Variants in SLC4A8 observed in about 807,000 individuals in gnomAD.
The protein encoded by SLC4A8 is solute carrier family 4 member 8, also known as electroneutral sodium bicarbonate exchanger 1.
Under a neutral mutation model 125.0 loss-of-function variants are expected in SLC4A8, and 40 were observed. The ratio of observed to expected loss-of-function variants is 0.32; its 90% CI spans 0.25 to 0.42. The LOEUF is 0.42. SLC4A8 is among the 10% of genes least tolerant of loss of function. The pLI, the probability that SLC4A8 is intolerant of heterozygous loss-of-function variation, is 1.00. For synonymous variants in SLC4A8, 456 were observed against 476.0 expected (o/e 0.96, Z 0.55); for missense variants, 863 against 1,355.1 (o/e 0.64, Z 5.70).
chr12:51,413,242 C>T (rs1320736011), intron 1 of SLC4A8, among the ~76,000 whole-genome samples: 3 of 152,052 alleles, frequency 2.0e-5, no homozygotes, highest in Non-Finnish European at 4.4e-5. Flanking sequence ...TACTCAGATC[C>T]TTTGTCCATT....
intron 16 of SLC4A8, among the ~76,000 whole-genome samples, chr12:51,476,363 C>T (rs1467855645): frequency 6.6e-6 from 1 of 152,068 alleles, no homozygotes; most frequent in Non-Finnish European, 1.5e-5. Flanking sequence ...TGCCTGTAAT[C>T]CCAGCTACTC....
At chr12:51,410,523 TCTTCG>T (rs1339175987) in intron 1 of SLC4A8, among the ~76,000 whole-genome samples, 5 of 152,020 alleles carry the variant, frequency 3.3e-5, no homozygotes, top group Admixed American at 1.3e-4. Flanking sequence ...AGTGGCGCGA[TCTTCG>T]CTCACTGCAA....
At chr12:51,481,031 G>T (rs955117350) in intron 16 of SLC4A8, among the ~76,000 whole-genome samples, 5 of 152,156 alleles carry the variant, frequency 3.3e-5, no homozygotes, top group Admixed American at 6.5e-5. Context: ...TCTTTAAAAC[G>T]AATGGGTTAA....
At chr12:51,453,787 C>G (rs1299423670) in intron 5 of SLC4A8, 88 bp downstream of exon 5, 1 of 1,325,344 alleles carries the variant, frequency 7.5e-7, no homozygotes, top group Non-Finnish European at 1.0e-6. Context: ...AGAAAGAATA[C>G]AGTGGGTTGT....
chr12:51,490,047 C>A, intron 19 of SLC4A8, 96 bp downstream of exon 19: 1 of 1,188,332 alleles, frequency 8.4e-7, no homozygotes, highest in Admixed American at 1.9e-5. Flanking sequence ...CAAATACTTA[C>A]AAGTATAAAT....
chr12:51,458,042 C>T (rs183149959), intron 6 of SLC4A8, among the ~76,000 whole-genome samples: 23 of 152,278 alleles, frequency 1.5e-4, no homozygotes, highest in Admixed American at 2.6e-4. Flanking sequence ...AGGACCTACT[C>T]CACCTACTCC....
rs574398449 is a variant in SLC4A8, at chr12:51,454,580, G to A, written c.574+881G>A. Among the ~76,000 whole-genome samples, 16 of 99,584 alleles carry A rather than the reference G, an allele frequency of 1.6e-4. 1 individual carries two copies. Among genetic ancestry groups the A allele is most frequent in the Admixed American group, 6.1e-4 (6 of 9,776 alleles). The allele number at this position is 99,584 out of a possible 152,430, so 65.3% of individuals were successfully genotyped here. ...GTCTTTGCATCATAGACAATGTAAAGGATTAAGTGCTGTGCTTTTAGATAT... is the reference window on the plus strand; with the variant it reads ...GTCTTTGCATCATAGACAATGTAAAAGATTAAGTGCTGTGCTTTTAGATAT... On this transcript the variant is annotated intron_variant, in intron 5 of 24. Coordinates refer to ENST00000453097, the MANE Select transcript of SLC4A8 (RefSeq NM_001039960.3).
chr12:51,395,148 A>C (rs1948234900), intron 1 of SLC4A8, among the ~76,000 whole-genome samples: 1 of 152,216 alleles, frequency 6.6e-6, no homozygotes, highest in African/African-American at 2.4e-5. Context: ...GGCACTATGA[A>C]AATGTATACA....
intron 11 of SLC4A8, among the ~76,000 whole-genome samples, chr12:51,466,783 C>T (rs1399407500): frequency 6.6e-6 from 1 of 152,118 alleles, no homozygotes; most frequent in African/African-American, 2.4e-5. Context: ...AGATCTTTCC[C>T]CGCCTTTTAA....
intron 19 of SLC4A8, among the ~76,000 whole-genome samples, chr12:51,492,264 C>G (rs1565818861): frequency 6.6e-6 from 1 of 151,788 alleles, no homozygotes; most frequent in African/African-American, 2.4e-5. Context: ...CTCCTCTTCC[C>G]TTTTTTTTGG....
At chr12:51,411,313 TGCAGTG>T (rs1238341788) in intron 1 of SLC4A8, among the ~76,000 whole-genome samples, 1 of 152,026 alleles carries the variant, frequency 6.6e-6, no homozygotes, top group Admixed American at 6.6e-5. Context: ...TTAGGCTGGG[TGCAGTG>T]GCTCACACCT....
chr12:51,423,903 G>A (rs1471368133), upstream of SLC4A8, among the ~76,000 whole-genome samples: 1 of 151,780 alleles, frequency 6.6e-6, no homozygotes, highest in Non-Finnish European at 1.5e-5. Context: ...GGGCGTGGTG[G>A]TGGGGACCTG....
At chr12:51,464,541 AATG>A (rs1950454255) in intron 11 of SLC4A8, among the ~76,000 whole-genome samples, 1 of 152,130 alleles carries the variant, frequency 6.6e-6, no homozygotes, top group Admixed American at 6.5e-5. Flanking sequence ...GGTAAACGAG[AATG>A]ATATTTTGGG....
chr12:51,455,213 A>G (rs1370705729), intron 5 of SLC4A8, among the ~76,000 whole-genome samples: 1 of 150,802 alleles, frequency 6.6e-6, no homozygotes, highest in African/African-American at 2.4e-5. Context: ...TTCTTTCTAC[A>G]CAGACACAGT....
chr12:51,491,477 G>GAGGA, intron 19 of SLC4A8, among the ~76,000 whole-genome samples: 1 of 152,186 alleles, frequency 6.6e-6, no homozygotes, highest in South Asian at 2.1e-4. Context: ...AAGAAAGAGG[G>GAGGA]ATTGGGTAGA....
chr12:51,444,588 A>G (rs1949711931), intron 2 of SLC4A8, among the ~76,000 whole-genome samples: 1 of 152,202 alleles, frequency 6.6e-6, no homozygotes, highest in Non-Finnish European at 1.5e-5. Context: ...AAGCAAAACC[A>G]TATATTATTC....
chr12:51,418,832 ATCTATG>A (rs1490844909), intron 1 of SLC4A8, among the ~76,000 whole-genome samples: 2 of 152,318 alleles, frequency 1.3e-5, no homozygotes, highest in Admixed American at 6.5e-5. Context: ...TTGAATTTAT[ATCTATG>A]TCAGATAATG....
Position 51,426,688 on chromosome 12 carries a change from G to C in SLC4A8, c.48+1653G>C, listed in dbSNP as rs113481996. 1.3e-3 allele frequency among the ~76,000 whole-genome samples: 197 copies of C among 152,240 alleles called. 3 individuals carry two copies. Among genetic ancestry groups the C allele is most frequent in the African/African-American group, 4.5e-3 (189 of 41,552 alleles). ...ACACCTGGTTAGAGACCTGAAATGA[G>C]GCCAGTGTGGTGCAGCAACAAGGAG... is the stretch of plus-strand genomic sequence containing the variant. On this transcript the variant is annotated intron_variant, in intron 1 of 24. Coordinates refer to ENST00000453097, the MANE Select transcript of SLC4A8 (RefSeq NM_001039960.3).
chr12:51,438,487 C>T (rs936849012), intron 1 of SLC4A8, among the ~76,000 whole-genome samples: 1 of 152,158 alleles, frequency 6.6e-6, no homozygotes, highest in Non-Finnish European at 1.5e-5. Context: ...GAATAGTATT[C>T]TGCTGTGTAT....
Sources: allele counts gnomAD v4.1 joint callset (sites outside exome capture counted in the v4.1 genomes callset), GRCh38; gene constraint gnomAD v4.1.1; transcripts MANE v1.5; gene names NCBI Gene and HGNC (gene_info 2026-07-23, HGNC 2026-07-21).